Variants in DCPH1 observed in about 807,000 individuals in gnomAD.
The protein encoded by DCPH1 is damage control phosphatase 1.
At chr6:151,461,531 C>G in the DCPH1 span, among the ~76,000 whole-genome samples, 1 of 152,020 alleles carries the variant, frequency 6.6e-6, no homozygotes. Flanking sequence ...ATTAGTCAGG[C>G]ATGGTAATGG....
the DCPH1 span, chr6:151,464,480 T>C: frequency 6.2e-7 from 1 of 1,609,084 alleles, no homozygotes; most frequent in Non-Finnish European, 8.5e-7. Flanking sequence ...TTGATGTATT[T>C]AAAGAATCAA....
chr6:151,464,907 A>G, the DCPH1 span, among the ~76,000 whole-genome samples: 1 of 152,222 alleles, frequency 6.6e-6, no homozygotes, highest in African/African-American at 2.4e-5. Flanking sequence ...GCTTGAAAGA[A>G]TTCTTAATAG....
At chr6:151,459,477 C>G in the DCPH1 span, among the ~76,000 whole-genome samples, 1 of 151,862 alleles carries the variant, frequency 6.6e-6, no homozygotes, top group Non-Finnish European at 1.5e-5. Flanking sequence ...TTAATTTTTC[C>G]TAGGAAAACA....
the DCPH1 span, among the ~76,000 whole-genome samples, chr6:151,458,813 T>A: frequency 6.6e-6 from 1 of 152,174 alleles, no homozygotes; most frequent in African/African-American, 2.4e-5. Flanking sequence ...TATAATCTAC[T>A]TGCCTAGAAT....
the DCPH1 span, chr6:151,454,689 T>G: frequency 9.7e-7 from 1 of 1,030,914 alleles, no homozygotes; most frequent in South Asian, 1.4e-5. Flanking sequence ...TTTTGTTAAT[T>G]TCTCAACAGA....
chr6:151,465,194 T>C, the DCPH1 span, among the ~76,000 whole-genome samples: 1 of 152,236 alleles, frequency 6.6e-6, no homozygotes, highest in Admixed American at 6.5e-5. Flanking sequence ...CATTTCTTTA[T>C]CTTGTATTCA....
the DCPH1 span, among the ~76,000 whole-genome samples, chr6:151,457,074 C>T: frequency 6.6e-6 from 1 of 152,166 alleles, no homozygotes; most frequent in Non-Finnish European, 1.5e-5. Flanking sequence ...TATGGCCACT[C>T]TCCTTGGGCC....
At chr6:151,455,641 T>A in the DCPH1 span, among the ~76,000 whole-genome samples, 1 of 152,086 alleles carries the variant, frequency 6.6e-6, no homozygotes, top group Admixed American at 6.6e-5. Flanking sequence ...TACAATTGGG[T>A]TTTATACCGA....
At chr6:151,464,638 T>A in the DCPH1 span, 4 of 1,554,376 alleles carry the variant, frequency 2.6e-6, no homozygotes, top group South Asian at 4.8e-5. Context: ...ATCATTAATC[T>A]TCTGAGTATG....
At chr6:151,453,466 T>C in the DCPH1 span, among the ~76,000 whole-genome samples, 1 of 152,258 alleles carries the variant, frequency 6.6e-6, no homozygotes, top group African/African-American at 2.4e-5. Flanking sequence ...TTTCTTTTAT[T>C]AATGATTTTT....
chr6:151,456,184 CAT>C, the DCPH1 span, among the ~76,000 whole-genome samples: 18 of 152,364 alleles, frequency 1.2e-4, no homozygotes, highest in South Asian at 4.1e-4. Context: ...CTTTTCCCCA[CAT>C]GTTATGTTAG....
chr6:151,468,325 G>T, the DCPH1 span: 222 of 1,510,914 alleles, frequency 1.5e-4, no homozygotes, highest in Non-Finnish European at 1.9e-4. Context: ...TGAATATTTT[G>T]TACTTTTTCT....
chr6:151,455,525 A>G, the DCPH1 span, among the ~76,000 whole-genome samples: 1 of 152,014 alleles, frequency 6.6e-6, no homozygotes, highest in Admixed American at 6.6e-5. Context: ...GTGCTTTTAG[A>G]TATGCATACA....
At chr6:151,455,690 C>T in the DCPH1 span, among the ~76,000 whole-genome samples, 1 of 152,174 alleles carries the variant, frequency 6.6e-6, no homozygotes, top group Non-Finnish European at 1.5e-5. Flanking sequence ...AGACAGATGC[C>T]TTCCTCTTGT....
At chr6:151,453,370 A>G in the DCPH1 span, among the ~76,000 whole-genome samples, 3 of 152,262 alleles carry the variant, frequency 2.0e-5, no homozygotes, top group African/African-American at 7.2e-5. Context: ...TAAAATCTCA[A>G]AAAAGGACTT....
the DCPH1 span, among the ~76,000 whole-genome samples, chr6:151,463,615 G>A: frequency 2.6e-5 from 4 of 152,072 alleles, no homozygotes; most frequent in Admixed American, 2.6e-4. Flanking sequence ...GCCATCATTT[G>A]GATGTTTAAA....
chr6:151,456,866 T>C, the DCPH1 span, among the ~76,000 whole-genome samples: 2 of 152,316 alleles, frequency 1.3e-5, no homozygotes, highest in South Asian at 2.1e-4. Context: ...ATCTAAAATG[T>C]AGTAATTAAT....
the DCPH1 span, among the ~76,000 whole-genome samples, chr6:151,455,519 T>C: frequency 6.6e-6 from 1 of 152,244 alleles, no homozygotes; most frequent in East Asian, 1.9e-4. Flanking sequence ...AGTGCTGTGC[T>C]TTTAGATATG....
the DCPH1 span, among the ~76,000 whole-genome samples, chr6:151,460,059 TTTG>T: frequency 7.6e-4 from 115 of 152,166 alleles, no homozygotes; most frequent in African/African-American, 2.4e-3. Context: ...ACGTATATAT[TTTG>T]TTGTTGTTGT....
Sources: gnomAD v4.1 joint callset for allele counts (sites outside exome capture counted in the v4.1 genomes callset) on GRCh38, gnomAD v4.1.1 for gene constraint, MANE v1.5 for transcripts, NCBI Gene and HGNC (gene_info 2026-07-23, HGNC 2026-07-21) for gene names.